Variants in FHIT observed in about 807,000 individuals in gnomAD.
FHIT encodes the protein fragile histidine triad diadenosine triphosphatase, also known as bis(5'-adenosyl)-triphosphatase.
FHIT carries 19 observed loss-of-function variants against 17.9 expected under a neutral mutation model. That is an observed-to-expected ratio of 1.06 (90% CI 0.74 to 1.56). The LOEUF is 1.56. FHIT is among the 40% of genes most tolerant of loss of function. The probability of loss-of-function intolerance (pLI) is 0.00; values close to 1 mark genes in which losing one functional copy is unlikely to be tolerated. For missense variants in FHIT, 248 were observed against 189.2 expected (o/e 1.31, Z -1.82); for synonymous variants, 81 against 69.7 (o/e 1.16, Z -0.81).
chr3:60,366,230 CA>C (rs1322379303), intron 5 of FHIT, among the ~76,000 whole-genome samples: 1 of 152,166 alleles, frequency 6.6e-6, no homozygotes, highest in Non-Finnish European at 1.5e-5. Flanking sequence ...GGCTGGAGTG[CA>C]GTGGTGCAAT....
chr3:59,938,800 C>T (rs1706366751), intron 7 of FHIT, among the ~76,000 whole-genome samples: 1 of 152,080 alleles, frequency 6.6e-6, no homozygotes, highest in Non-Finnish European at 1.5e-5. Flanking sequence ...AAAACCACCC[C>T]CTAACTAACT....
At chr3:60,306,179 C>A (rs915679662) in intron 5 of FHIT, among the ~76,000 whole-genome samples, 4 of 152,082 alleles carry the variant, frequency 2.6e-5, no homozygotes, top group African/African-American at 9.7e-5. Flanking sequence ...TTTATTAACT[C>A]CAGATTCTTT....
intron 5 of FHIT, among the ~76,000 whole-genome samples, chr3:60,285,078 C>T (rs534749494): frequency 6.6e-6 from 1 of 152,120 alleles, no homozygotes; most frequent in Non-Finnish European, 1.5e-5. Flanking sequence ...TATTCTCCCT[C>T]TCCAACTCCT....
chr3:59,923,474 T>C (rs1282954782), intron 7 of FHIT, among the ~76,000 whole-genome samples: 1 of 152,178 alleles, frequency 6.6e-6, no homozygotes, highest in African/African-American at 2.4e-5. Context: ...TACATAGCAA[T>C]GCTATTATGC....
At chr3:60,002,138 T>A (rs1699752840) in intron 7 of FHIT, among the ~76,000 whole-genome samples, 1 of 152,148 alleles carries the variant, frequency 6.6e-6, no homozygotes, top group Non-Finnish European at 1.5e-5. Flanking sequence ...AAGAATTCCA[T>A]CTTCATTTTT....
In FHIT at chr3:59,749,179, C is replaced by T. The variant is rs1559565903; in HGVS notation, c.*406G>A. 4.4e-6 allele frequency: 1 copy of T among 229,224 alleles called. No homozygotes were observed. Among genetic ancestry groups the T allele is most frequent in the African/African-American group, 2.2e-5 (1 of 45,094 alleles). 14.2% of individuals were successfully genotyped at this position (229,224 alleles called of 1,614,324 possible). On this transcript the variant is annotated 3_prime_UTR_variant, in exon 10 of 10. Coordinates refer to ENST00000492590, the MANE Select transcript of FHIT (RefSeq NM_002012.4). ...AATGTATAAAAATTCAATATGTAGA[C>T]ATTTTTTTTGAAAAGGGAAGAAATA...
intron 5 of FHIT, among the ~76,000 whole-genome samples, chr3:60,127,490 C>T (rs1705607367): frequency 2.0e-5 from 3 of 152,176 alleles, no homozygotes; most frequent in South Asian, 4.2e-4. Flanking sequence ...TGTTAATAAA[C>T]TCCCCATGAT....
At chr3:60,653,625 A>C in intron 4 of FHIT, among the ~76,000 whole-genome samples, 1 of 150,822 alleles carries the variant, frequency 6.6e-6, no homozygotes, top group East Asian at 2.0e-4. Flanking sequence ...AATTAACTGT[A>C]AAGTGGTAGA....
chr3:60,882,684 T>G (rs982652622), intron 3 of FHIT, among the ~76,000 whole-genome samples: 1 of 152,088 alleles, frequency 6.6e-6, no homozygotes. Flanking sequence ...ATAAAAACCC[T>G]GAACAAACTA....
chr3:61,221,184 G>C (rs1013276961), intron 1 of FHIT, among the ~76,000 whole-genome samples: 6 of 152,222 alleles, frequency 3.9e-5, no homozygotes, highest in African/African-American at 1.4e-4. Context: ...GGACTGGAAG[G>C]TGCCATGGCT....
chr3:60,933,981 G>A (rs1285179136), intron 3 of FHIT, among the ~76,000 whole-genome samples: 2 of 152,270 alleles, frequency 1.3e-5, no homozygotes, highest in East Asian at 3.9e-4. Context: ...GCTTGTGGAA[G>A]GGCATGGAAT....
intron 4 of FHIT, among the ~76,000 whole-genome samples, chr3:60,783,896 T>C (rs1162352365): frequency 1.3e-5 from 2 of 152,228 alleles, no homozygotes; most frequent in Non-Finnish European, 2.9e-5. Flanking sequence ...TATTTAATCA[T>C]AGTCAAATTA....
intron 3 of FHIT, among the ~76,000 whole-genome samples, chr3:61,037,898 G>T (rs1181630217): frequency 1.3e-5 from 2 of 152,078 alleles, no homozygotes; most frequent in African/African-American, 4.8e-5. Flanking sequence ...CAGCACAAAA[G>T]GGACTAAAAC....
At chr3:60,546,230 G>T (rs1156792975) in intron 4 of FHIT, among the ~76,000 whole-genome samples, 1 of 151,952 alleles carries the variant, frequency 6.6e-6, no homozygotes, top group African/African-American at 2.4e-5. Context: ...CTTTTCGTTT[G>T]TTTCACTTCA....
intron 5 of FHIT, among the ~76,000 whole-genome samples, chr3:60,104,109 A>C (rs1704305618): frequency 6.6e-6 from 1 of 152,206 alleles, no homozygotes; most frequent in Admixed American, 6.5e-5. Context: ...CCACAGGCAA[A>C]AACTCAGAAC....
intron 3 of FHIT, among the ~76,000 whole-genome samples, chr3:61,025,641 C>G (rs2032692575): frequency 6.6e-6 from 1 of 152,138 alleles, no homozygotes; most frequent in South Asian, 2.1e-4. Flanking sequence ...AGTTTACAAA[C>G]CATCTAAACT....
chr3:60,702,246 T>G (rs563081720), intron 4 of FHIT, among the ~76,000 whole-genome samples: 18 of 152,326 alleles, frequency 1.2e-4, no homozygotes, highest in African/African-American at 4.1e-4. Flanking sequence ...AATGTTCTCG[T>G]GGCTAACAAC....
intron 5 of FHIT, among the ~76,000 whole-genome samples, chr3:60,425,786 C>T (rs1702640103): frequency 7.1e-6 from 1 of 141,430 alleles, no homozygotes; most frequent in Non-Finnish European, 1.5e-5. Flanking sequence ...ATTTTATAAT[C>T]AATAGAGATT....
chr3:60,964,173 T>G (rs138584520), intron 3 of FHIT, among the ~76,000 whole-genome samples: 571 of 152,338 alleles, frequency 3.7e-3, no homozygotes, highest in Non-Finnish European at 6.0e-3. Flanking sequence ...TTGATCCCTT[T>G]ACCATTATGT....
Sources: gnomAD v4.1 joint callset for allele counts (sites outside exome capture counted in the v4.1 genomes callset) on GRCh38, gnomAD v4.1.1 for gene constraint, MANE v1.5 for transcripts, NCBI Gene and HGNC (gene_info 2026-07-23, HGNC 2026-07-21) for gene names.